Variants in RECK observed in about 807,000 individuals in gnomAD.
The protein encoded by RECK is reversion inducing cysteine rich protein with kazal motifs, also known as reversion-inducing cysteine-rich protein with Kazal motifs.
RECK carries 69 observed loss-of-function variants against 115.1 expected under a neutral mutation model. The observed-to-expected ratio is 0.60, with a 90% CI of 0.49 to 0.73. The LOEUF (loss-of-function observed/expected upper bound fraction) is 0.73. RECK is among the 30% of genes least tolerant of loss of function. RECK has a pLI of 0.00. For missense variants in RECK, 1,047 were observed against 1,203.7 expected, an observed-to-expected ratio of 0.87 and a Z score of 1.93; for synonymous variants, 414 against 419.7, an observed-to-expected ratio of 0.99 and a Z score of 0.17.
intron 12 of RECK, among the ~76,000 whole-genome samples, chr9:36,103,061 G>A (rs760797458): frequency 6.6e-6 from 1 of 152,154 alleles, no homozygotes; most frequent in African/African-American, 2.4e-5. Flanking sequence ...CTAGAAGAGC[G>A]TGTTGCTATC....
chr9:36,047,883 C>T (rs1821127602), intron 1 of RECK, among the ~76,000 whole-genome samples: 1 of 149,276 alleles, frequency 6.7e-6, no homozygotes, highest in East Asian at 2.0e-4. Context: ...ATGGCAGTAA[C>T]ATCCTAGACC....
intron 1 of RECK, 105 bp downstream of exon 1, chr9:36,037,203 C>A: frequency 1.4e-6 from 1 of 692,376 alleles, no homozygotes; most frequent in Non-Finnish European, 2.0e-6. Flanking sequence ...CCCCCAGACC[C>A]TGCCCACGTC....
chr9:36,109,772 A>T (rs1411372957), intron 14 of RECK, among the ~76,000 whole-genome samples, 185 bp from the exon 15 acceptor site: 1 of 152,114 alleles, frequency 6.6e-6, no homozygotes, highest in East Asian at 1.9e-4. Flanking sequence ...TGAGCCCGGG[A>T]AGCGGAGGTT....
intron 5 of RECK, 111 bp downstream of exon 5, chr9:36,063,991 A>T: frequency 1.0e-6 from 1 of 975,294 alleles, no homozygotes; most frequent in Non-Finnish European, 1.6e-6. Context: ...AACCCGTAAA[A>T]ACTGCAAATT....
intron 10 of RECK, among the ~76,000 whole-genome samples, chr9:36,095,959 T>C (rs1564126226): frequency 1.3e-5 from 2 of 149,094 alleles, no homozygotes; most frequent in Admixed American, 6.7e-5. Flanking sequence ...ACCTGTAAAC[T>C]TGGGAGGCTG....
At chr9:36,078,284 C>T (rs1416628495) in intron 6 of RECK, among the ~76,000 whole-genome samples, 1 of 152,214 alleles carries the variant, frequency 6.6e-6, no homozygotes, top group South Asian at 2.1e-4. Context: ...TCTCACATTT[C>T]GCAGGTTTTA....
At chr9:36,109,842 CA>C (rs35304496) in intron 14 of RECK, 114 bp from the exon 15 acceptor site, 69,746 of 818,562 alleles carry the variant, frequency 0.085, no homozygotes, top group South Asian at 0.12. Flanking sequence ...AGACCCTTCT[CA>C]AAAAAAAAAA....
chr9:36,060,130 G>T lies in RECK; in HGVS notation c.246G>T (p.Trp82Cys). Residue 82 changes from tryptophan to cysteine, a missense_variant, in exon 4 of 21, where the codon TGG becomes TGT. By Grantham distance (215) the Trp-to-Cys change is radical. Coordinates refer to ENST00000377966, the MANE Select transcript of RECK (RefSeq NM_021111.3). ...GGGTACACTTTTAGGTTGAAATTTG[G>T]AATTGTATGAATTCATCTTTGCCAG... ...DYCPETMVEI[W>C]NCMNSSLPGV... 4 of 1,613,328 alleles carry T rather than the reference G, an allele frequency of 2.5e-6. No individual in the cohort carries two copies. The highest frequency in any genetic ancestry group is 3.4e-6 in the Non-Finnish European group (4 of 1,179,550).
chr9:36,053,101 G>C (rs1016902814), intron 2 of RECK, among the ~76,000 whole-genome samples: 2 of 152,134 alleles, frequency 1.3e-5, no homozygotes, highest in Non-Finnish European at 2.9e-5. Flanking sequence ...TATATACAGA[G>C]AATTAAAGCA....
chr9:36,041,260 A>G (rs1223625023), intron 1 of RECK, among the ~76,000 whole-genome samples: 9 of 152,242 alleles, frequency 5.9e-5, no homozygotes, highest in African/African-American at 4.8e-5. Flanking sequence ...TCAGGTATAT[A>G]GCACATAGTA....
chr9:36,096,338 A>G (rs1038469438), intron 10 of RECK, among the ~76,000 whole-genome samples: 1 of 151,850 alleles, frequency 6.6e-6, no homozygotes, highest in Non-Finnish European at 1.5e-5. Flanking sequence ...AGAGTTCAAG[A>G]CCAGCCTGGC....
At chr9:36,119,118 T>A (rs1168632464) in intron 18 of RECK, 151 bp downstream of exon 18, 5 of 786,636 alleles carry the variant, frequency 6.4e-6, no homozygotes, top group Non-Finnish European at 9.9e-6. Context: ...TACTTTGGGT[T>A]GACCTTAAAA....
At chr9:36,093,012 G>A (rs1382449837) in intron 10 of RECK, among the ~76,000 whole-genome samples, 3 of 152,176 alleles carry the variant, frequency 2.0e-5, no homozygotes, top group African/African-American at 7.2e-5. Context: ...GGTGAACATA[G>A]ACTATAGCAG....
In RECK at chr9:36,121,596, G is replaced by C; in HGVS notation, c.2602G>C (p.Val868Leu). Residue 868 changes from valine (V) to leucine (L), a missense_variant, in exon 20 of 21, where the codon GTC becomes CTC. Coordinates refer to ENST00000377966, the MANE Select transcript of RECK (RefSeq NM_021111.3). ...TCAGAAAATCCGCATGCACGTGTCT[G>C]TCCCACAGTGTGATGTGTTTGGATA... The part of the protein sequence containing the change: ...ILQKIRMHVS[V>L]PQCDVFGYFS... The C allele has an allele frequency of 6.2e-7, 1 of 1,614,094 alleles. No homozygotes were observed. The highest frequency in any genetic ancestry group is 2.2e-5 in the East Asian group (1 of 44,888).
Position 36,083,410 on chromosome 9 carries a change from G to C in RECK, c.485G>C (p.Arg162Pro). The C allele has an allele frequency of 6.2e-7, 1 of 1,613,950 alleles. No homozygotes were observed. Among genetic ancestry groups the C allele is most frequent in the Non-Finnish European group, 8.5e-7 (1 of 1,179,954 alleles). Residue 162 changes from arginine to proline, a missense_variant, in exon 8 of 21, where the codon CGA (arginine) becomes CCA (proline). Coordinates refer to ENST00000377966, the MANE Select transcript of RECK (RefSeq NM_021111.3). ...CSYAGHHTNC[R>P]EYCQAIFRTD... ...TATGCAGGTCATCACACAAACTGCC[G>C]AGAATACTGTCAAGCCATTTTTCGA...
intron 2 of RECK, among the ~76,000 whole-genome samples, chr9:36,054,098 G>T (rs773035310): frequency 6.6e-6 from 1 of 152,192 alleles, no homozygotes; most frequent in Non-Finnish European, 1.5e-5. Flanking sequence ...TGTGGAGAGA[G>T]ACCAGGGCTG....
chr9:36,117,147 A>T lies in RECK; in HGVS notation c.2223A>T (p.Gly741=). The T allele has an allele frequency of 6.2e-7, 1 of 1,612,764 alleles. No individual in the cohort carries two copies. The highest frequency in any genetic ancestry group is 8.5e-7 in the Non-Finnish European group (1 of 1,179,162). Residue 741 remains glycine (G), a synonymous_variant, in exon 17 of 21, where the codon GGA becomes GGT. Coordinates refer to ENST00000377966, the MANE Select transcript of RECK (RefSeq NM_021111.3). ...ATCTCTGCACTTTATACCAAAGAGG[A>T]AAAAGCCTCTCTTACAAAGGTCCCT... ...HNNLCTLYQR[G]KSLSYKGPCQ...
intron 6 of RECK, among the ~76,000 whole-genome samples, chr9:36,069,497 A>AG (rs993044965): frequency 3.4e-5 from 5 of 149,080 alleles, no homozygotes; most frequent in African/African-American, 1.3e-4. Flanking sequence ...AAAAAAAAAA[A>AG]AAGAAGAGCA....
At chr9:36,071,588 A>G (rs932760296) in intron 6 of RECK, among the ~76,000 whole-genome samples, 2 of 151,854 alleles carry the variant, frequency 1.3e-5, no homozygotes, top group Admixed American at 1.3e-4. Context: ...TTTTCTTTAT[A>G]TTTTCAGAAA....
Sources: gnomAD v4.1 joint callset for allele counts (sites outside exome capture counted in the v4.1 genomes callset) on GRCh38, gnomAD v4.1.1 for gene constraint, MANE v1.5 for transcripts, NCBI Gene and HGNC (gene_info 2026-07-23, HGNC 2026-07-21) for gene names.